Variants in ANKFN1 observed in about 807,000 individuals in gnomAD.
ANKFN1 encodes ankyrin repeat and fibronectin type III domain containing 1, also known as ankyrin repeat and fibronectin type-III domain-containing protein 1.
In ANKFN1, 74 loss-of-function variants were observed where a neutral mutation model predicts 108.7. That is an observed-to-expected ratio of 0.68 (90% confidence interval 0.56 to 0.83). ANKFN1 has a LOEUF of 0.83. Among genes scored for constraint, ANKFN1 ranks in the 40% least tolerant of loss-of-function variants. The probability of loss-of-function intolerance (pLI) is 0.00; values close to 1 mark genes in which losing one functional copy is unlikely to be tolerated. For synonymous variants in ANKFN1, 547 were observed against 516.2 expected (o/e 1.06, Z -0.81); for missense variants, 1,505 against 1,382.3 (o/e 1.09, Z -1.41).
At chr17:56,460,637 G>A (rs1032043847) in intron 14 of ANKFN1, among the ~76,000 whole-genome samples, 10 of 151,358 alleles carry the variant, frequency 6.6e-5, no homozygotes, top group Non-Finnish European at 1.5e-4. Context: ...TCCTTGCACA[G>A]ACCGAACCTT....
intron 3 of ANKFN1, among the ~76,000 whole-genome samples, chr17:56,299,732 G>A (rs1270960503): frequency 1.3e-5 from 2 of 152,174 alleles, no homozygotes; most frequent in East Asian, 3.9e-4. Context: ...AGCATTAAAT[G>A]AGATACTACA....
intron 4 of ANKFN1, among the ~76,000 whole-genome samples, chr17:56,100,528 T>C (rs1905625049): frequency 6.6e-6 from 1 of 152,220 alleles, no homozygotes; most frequent in Admixed American, 6.5e-5. Flanking sequence ...ACATGATGAT[T>C]ATTTTATGAC....
intron 4 of ANKFN1, among the ~76,000 whole-genome samples, chr17:56,128,451 C>T (rs142201691): frequency 1.3e-5 from 2 of 152,306 alleles, no homozygotes; most frequent in East Asian, 3.9e-4. Context: ...CCTTCAATCT[C>T]ACTTGGGATT....
At chr17:56,183,018 G>A (rs1911838668) in intron 1 of ANKFN1, among the ~76,000 whole-genome samples, 1 of 152,170 alleles carries the variant, frequency 6.6e-6, no homozygotes, top group East Asian at 1.9e-4. Context: ...ATTGAAACAT[G>A]CTGCTCAGAA....
At chr17:56,436,867 C>T (rs2048948832) in intron 8 of ANKFN1, among the ~76,000 whole-genome samples, 1 of 151,500 alleles carries the variant, frequency 6.6e-6, no homozygotes, top group African/African-American at 2.4e-5. Context: ...AATTCCCAGT[C>T]ACTCTCAAAG....
intron 3 of ANKFN1, among the ~76,000 whole-genome samples, chr17:56,306,044 C>G (rs1265566633): frequency 6.6e-6 from 1 of 152,172 alleles, no homozygotes; most frequent in Non-Finnish European, 1.5e-5. Flanking sequence ...ATCAGACAGT[C>G]TTGATTACTA....
chr17:56,287,199 A>G (rs558719199), intron 3 of ANKFN1, among the ~76,000 whole-genome samples: 1 of 152,278 alleles, frequency 6.6e-6, no homozygotes, highest in African/African-American at 2.4e-5. Context: ...GCTGGGACTC[A>G]GTGCAGTCAG....
chr17:56,083,331 T>C (rs1009517987), intron 4 of ANKFN1, among the ~76,000 whole-genome samples: 1 of 151,374 alleles, frequency 6.6e-6, no homozygotes, highest in Non-Finnish European at 1.5e-5. Flanking sequence ...GCACCTATCA[T>C]GTGTTAGACA....
At chr17:56,374,382 A>G (rs1304402363) in intron 7 of ANKFN1, among the ~76,000 whole-genome samples, 2 of 152,132 alleles carry the variant, frequency 1.3e-5, no homozygotes, top group African/African-American at 2.4e-5. Context: ...GGTATTATTT[A>G]CCTTTTCAGA....
At position 56,442,875 on chromosome 17, in the gene ANKFN1, C is replaced by T. The variant is rs774979767; in HGVS notation, c.1041C>T (p.Tyr347=). 6.2e-7 allele frequency: 1 copy of T among 1,613,784 alleles called. No individual in the cohort carries two copies. Among genetic ancestry groups the T allele is most frequent in the South Asian group, 1.1e-5 (1 of 91,052 alleles). Residue 347 remains tyrosine, a synonymous_variant, in exon 10 of 21, where the codon TAC becomes TAT. Transcript: ENST00000682825. ...GQQYFVQVSA[Y]NMKGWGPAQT... ...AGTATTTTGTTCAAGTCTCGGCTTA[C>T]AATATGAAAGGATGGGGACCTGCTC...
chr17:56,326,292 T>G lies in ANKFN1; in HGVS notation c.125T>G (p.Leu42Trp). 2 of 1,614,062 alleles carry G rather than the reference T, an allele frequency of 1.2e-6. No homozygotes were observed. The highest frequency in any genetic ancestry group is 1.7e-6 in the Non-Finnish European group (2 of 1,179,918). Reference protein sequence around the residue: ...HRRKQSQCDLLNESTGQLPTT... With the variant: ...HRRKQSQCDLWNESTGQLPTT... ...AGAAAGCAAAGCCAATGTGATTTATTGAATGAAAGCACTGGACAATTACCA... is the reference window on the plus strand; with the variant it reads ...AGAAAGCAAAGCCAATGTGATTTATGGAATGAAAGCACTGGACAATTACCA... Residue 42 changes from leucine (L) to tryptophan (W), a missense_variant, in exon 4 of 21, where the codon TTG (leucine) becomes TGG (tryptophan). Physicochemically the swap from Leu to Trp is moderately conservative, Grantham distance 61 (BLOSUM62 -2). Coordinates refer to ENST00000682825, the MANE Select transcript of ANKFN1 (RefSeq NM_001370326.1).
At chr17:56,084,852 G>A (rs1905288491) in intron 4 of ANKFN1, among the ~76,000 whole-genome samples, 1 of 151,000 alleles carries the variant, frequency 6.6e-6, no homozygotes, top group African/African-American at 2.4e-5. Context: ...TTGATAATAA[G>A]TTGAGTTTGG....
chr17:56,150,381 C>T (rs190735346), upstream of ANKFN1, among the ~76,000 whole-genome samples: 94 of 152,238 alleles, frequency 6.2e-4, no homozygotes, highest in African/African-American at 1.8e-3. Flanking sequence ...GCTGGGTTAC[C>T]GATACCCCCT....
chr17:56,355,553 A>G (rs1277908660), intron 6 of ANKFN1, among the ~76,000 whole-genome samples: 2 of 152,190 alleles, frequency 1.3e-5, no homozygotes, highest in African/African-American at 4.8e-5. Flanking sequence ...TTAATTGTGG[A>G]GTACGATGGG....
chr17:56,206,202 T>G (rs1273402354), intron 1 of ANKFN1, among the ~76,000 whole-genome samples: 2 of 152,200 alleles, frequency 1.3e-5, no homozygotes, highest in Non-Finnish European at 2.9e-5. Flanking sequence ...ATTTATAGTT[T>G]TGTCTGTATA....
At chr17:56,221,096 G>T (rs1915866343) in intron 2 of ANKFN1, among the ~76,000 whole-genome samples, 2 of 152,140 alleles carry the variant, frequency 1.3e-5, no homozygotes, top group South Asian at 4.1e-4. Flanking sequence ...GGGGAAGCAG[G>T]CAGGTCACAT....
At chr17:56,308,178 G>A (rs1400091023) in intron 3 of ANKFN1, among the ~76,000 whole-genome samples, 1 of 151,392 alleles carries the variant, frequency 6.6e-6, no homozygotes, top group Non-Finnish European at 1.5e-5. Context: ...CATAGCACAT[G>A]TATACATATG....
intron 8 of ANKFN1, among the ~76,000 whole-genome samples, chr17:56,424,328 CTG>C (rs1425421056): frequency 6.6e-6 from 1 of 152,206 alleles, no homozygotes; most frequent in Non-Finnish European, 1.5e-5. Context: ...TTTCATTAAA[CTG>C]TGTGAGAAGG....
intron 1 of ANKFN1, among the ~76,000 whole-genome samples, chr17:56,208,248 T>C (rs984823606): frequency 2.6e-5 from 4 of 152,232 alleles, no homozygotes; most frequent in Non-Finnish European, 5.9e-5. Context: ...CTTAAACTCC[T>C]GACCTCAGGT....
Sources: gnomAD v4.1 joint callset for allele counts (sites outside exome capture counted in the v4.1 genomes callset) on GRCh38, gnomAD v4.1.1 for gene constraint, MANE v1.5 for transcripts, NCBI Gene and HGNC (gene_info 2026-07-23, HGNC 2026-07-21) for gene names.